Variants in ENTREP2 observed in about 807,000 individuals in gnomAD.
ENTREP2 encodes protein ENTREP2.
the ENTREP2 span, among the ~76,000 whole-genome samples, chr15:29,652,452 C>T: frequency 1.3e-5 from 2 of 152,244 alleles, no homozygotes; most frequent in Admixed American, 1.3e-4. Context: ...AATGGCAAGT[C>T]TAGAAGTGCT....
At chr15:29,363,168 A>G in the ENTREP2 span, among the ~76,000 whole-genome samples, 2 of 151,748 alleles carry the variant, frequency 1.3e-5, no homozygotes, top group Non-Finnish European at 2.9e-5. Flanking sequence ...CATTCTCTTA[A>G]AAAAAAAGGT....
At chr15:29,479,674 C>T in the ENTREP2 span, among the ~76,000 whole-genome samples, 1 of 124,102 alleles carries the variant, frequency 8.1e-6, no homozygotes, top group Non-Finnish European at 1.6e-5. Flanking sequence ...CATACACACA[C>T]ACACATACAT....
chr15:29,493,789 C>G, the ENTREP2 span, among the ~76,000 whole-genome samples: 2 of 151,910 alleles, frequency 1.3e-5, no homozygotes, highest in African/African-American at 2.4e-5. Context: ...CCAGCCTGGC[C>G]AATATGGTGA....
the ENTREP2 span, among the ~76,000 whole-genome samples, chr15:29,141,210 C>T: frequency 6.6e-6 from 1 of 152,188 alleles, no homozygotes; most frequent in Non-Finnish European, 1.5e-5. Context: ...TGAGGGAGAT[C>T]GTGAAGAGGT....
chr15:29,238,880 A>C, the ENTREP2 span, among the ~76,000 whole-genome samples: 6 of 152,106 alleles, frequency 3.9e-5, no homozygotes, highest in Non-Finnish European at 7.4e-5. Flanking sequence ...CATGGTGTTA[A>C]ACCATGAGAA....
At chr15:29,409,747 C>A in the ENTREP2 span, among the ~76,000 whole-genome samples, 10 of 152,256 alleles carry the variant, frequency 6.6e-5, no homozygotes, top group East Asian at 1.7e-3. Flanking sequence ...CAGGCATGAG[C>A]CACCTCGCCT....
At chr15:29,444,371 T>C in the ENTREP2 span, among the ~76,000 whole-genome samples, 1 of 152,136 alleles carries the variant, frequency 6.6e-6, no homozygotes, top group East Asian at 1.9e-4. Flanking sequence ...GGGTGCGGGA[T>C]AAAAAGGAAA....
the ENTREP2 span, among the ~76,000 whole-genome samples, chr15:29,549,944 G>C: frequency 6.6e-6 from 1 of 152,162 alleles, no homozygotes; most frequent in African/African-American, 2.4e-5. Context: ...TCAATCCTAA[G>C]AATGGAAAAG....
chr15:29,138,665 G>A, the ENTREP2 span, among the ~76,000 whole-genome samples: 3 of 149,564 alleles, frequency 2.0e-5, no homozygotes, highest in Admixed American at 6.7e-5. Flanking sequence ...GCATGTAGAT[G>A]TGTGTGTCTC....
the ENTREP2 span, among the ~76,000 whole-genome samples, chr15:29,263,301 G>C: frequency 5.3e-5 from 8 of 152,328 alleles, no homozygotes; most frequent in South Asian, 1.7e-3. Context: ...CAAAAGGCAA[G>C]CTTCCCAATG....
the ENTREP2 span, among the ~76,000 whole-genome samples, chr15:29,557,713 T>C: frequency 2.6e-5 from 4 of 152,170 alleles, no homozygotes; most frequent in Non-Finnish European, 5.9e-5. Flanking sequence ...ACAGAAACTG[T>C]GTTGTAAAAA....
the ENTREP2 span, among the ~76,000 whole-genome samples, chr15:29,425,477 T>C: frequency 1.3e-5 from 2 of 152,396 alleles, no homozygotes; most frequent in East Asian, 3.9e-4. Flanking sequence ...CCTGGTCTGT[T>C]ATTTTAAGCT....
At chr15:29,462,157 G>A in the ENTREP2 span, among the ~76,000 whole-genome samples, 3 of 152,146 alleles carry the variant, frequency 2.0e-5, no homozygotes, top group African/African-American at 7.2e-5. Context: ...TCCATCAATG[G>A]ACGCTTGGGT....
At chr15:29,657,055 C>T in the ENTREP2 span, among the ~76,000 whole-genome samples, 2 of 152,160 alleles carry the variant, frequency 1.3e-5, no homozygotes, top group Admixed American at 6.5e-5. Context: ...TGTTACAGCT[C>T]TTTTCTTTTT....
At chr15:29,598,122 C>A in the ENTREP2 span, among the ~76,000 whole-genome samples, 5 of 149,994 alleles carry the variant, frequency 3.3e-5, no homozygotes, top group African/African-American at 1.2e-4. Flanking sequence ...ACCCCTGTCT[C>A]AAAAAAAAAA....
chr15:29,456,567 G>A, the ENTREP2 span, among the ~76,000 whole-genome samples: 1 of 152,220 alleles, frequency 6.6e-6, no homozygotes, highest in Admixed American at 6.5e-5. Context: ...GCCCTGTGAA[G>A]GGGTTGGCAA....
chr15:29,505,211 C>T, the ENTREP2 span, among the ~76,000 whole-genome samples: 1 of 152,228 alleles, frequency 6.6e-6, no homozygotes, highest in Non-Finnish European at 1.5e-5. The surrounding 1 kb of genome is among the most constrained non-coding windows in gnomAD (Gnocchi z 4.3). Context: ...CTAGGTTCCT[C>T]GTCTGTGGGC....
the ENTREP2 span, among the ~76,000 whole-genome samples, chr15:29,498,161 G>A: frequency 6.6e-6 from 1 of 152,106 alleles, no homozygotes; most frequent in East Asian, 1.9e-4. Flanking sequence ...ATGAAGATGT[G>A]CCTTGTTTCC....
the ENTREP2 span, among the ~76,000 whole-genome samples, chr15:29,422,845 TG>T: frequency 6.6e-6 from 1 of 152,096 alleles, no homozygotes; most frequent in Non-Finnish European, 1.5e-5. Context: ...TTGTACTCCA[TG>T]GAATTAGAAG....
Sources: allele counts gnomAD v4.1 joint callset (sites outside exome capture counted in the v4.1 genomes callset), GRCh38; gene constraint gnomAD v4.1.1; non-coding constraint Gnocchi (gnomAD v3.1); transcripts MANE v1.5; gene names NCBI Gene and HGNC (gene_info 2026-07-23, HGNC 2026-07-21).